USH2A: variants seen among roughly 807,000 people sequenced by gnomAD.
USH2A encodes usherin, also known as Usher syndrome 2A (autosomal recessive, mild).
In USH2A, 443 loss-of-function variants were observed where a neutral mutation model predicts 538.9. That is an observed-to-expected ratio of 0.82 (90% CI 0.76 to 0.89). USH2A has a LOEUF of 0.89. Among genes scored for constraint, USH2A ranks in the 40% least tolerant of loss-of-function variants. The pLI, the probability that USH2A is intolerant of heterozygous loss-of-function variation, is 0.00. For synonymous variants in USH2A, 2,413 were observed against 2,273.5 expected, an observed-to-expected ratio of 1.06 and a Z score of -1.75; for missense variants, 6,633 against 6,324.8, an observed-to-expected ratio of 1.05 and a Z score of -1.65.
intron 3 of USH2A, among the ~76,000 whole-genome samples, chr1:216,401,714 C>T (rs573958585): frequency 1.3e-5 from 2 of 152,108 alleles, no homozygotes; most frequent in East Asian, 3.9e-4. Flanking sequence ...AGGGACATTA[C>T]ATAATGATAA....
chr1:215,828,315 G>A (rs1663211930), intron 47 of USH2A, among the ~76,000 whole-genome samples: 1 of 152,110 alleles, frequency 6.6e-6, no homozygotes, highest in African/African-American at 2.4e-5. Flanking sequence ...TGTATTAGCT[G>A]GGTGTGGTGG....
At chr1:216,177,635 G>A (rs181576960) in intron 20 of USH2A, among the ~76,000 whole-genome samples, 2 of 152,188 alleles carry the variant, frequency 1.3e-5, no homozygotes, top group Admixed American at 6.5e-5. Context: ...GCATACACTG[G>A]GACCTTGCCA....
At position 216,318,059 on chromosome 1, in the gene USH2A, C is replaced by G. The variant is rs188233255; in HGVS notation, c.1644+3824G>C. Among the ~76,000 whole-genome samples the G allele has an allele frequency of 5.9e-3, 893 of 152,218 alleles. 3 individuals are homozygous for G. Among genetic ancestry groups the G allele is most frequent in the Non-Finnish European group, 9.0e-3 (611 of 68,000 alleles). ...ATATGTGAACCTGCCCCTGAATTCA[C>G]CATTCACCTTTTCTCAACTTCATTC... On this transcript the variant is annotated intron_variant, in intron 9 of 71. Coordinates refer to ENST00000307340, the MANE Select transcript of USH2A (RefSeq NM_206933.4).
intron 4 of USH2A, among the ~76,000 whole-genome samples, chr1:216,337,943 A>T (rs1465726524): frequency 6.6e-6 from 1 of 151,312 alleles, no homozygotes; most frequent in Non-Finnish European, 1.5e-5. Flanking sequence ...CTAGGAATAA[A>T]TTTTATATTT....
chr1:215,685,344 TG>T (rs1286357666), intron 61 of USH2A, among the ~76,000 whole-genome samples: 1,375 of 72,668 alleles, frequency 0.019, 16 homozygotes, highest in African/African-American at 0.045. Flanking sequence ...TTTTTTTTTT[TG>T]TTGTTGTTGT....
At chr1:216,193,730 C>G (rs976026728) in intron 19 of USH2A, among the ~76,000 whole-genome samples, 6 of 151,988 alleles carry the variant, frequency 3.9e-5, no homozygotes, top group Non-Finnish European at 7.4e-5. Flanking sequence ...TTGCCACAAG[C>G]CAAGGAACAC....
chr1:216,329,287 C>G (rs2037801103), intron 4 of USH2A, among the ~76,000 whole-genome samples: 1 of 152,000 alleles, frequency 6.6e-6, no homozygotes, highest in Non-Finnish European at 1.5e-5. Context: ...GTTAATTGGC[C>G]ATCCAGGCAA....
rs189485785 is a variant in USH2A at position 216,107,574 on chromosome 1, T to C, written c.4628-10361A>G. Among the ~76,000 whole-genome samples, 8 of 151,924 alleles carry C rather than the reference T, an allele frequency of 5.3e-5. No homozygotes were observed. In the South Asian group the frequency reaches 8.3e-4, roughly 16 times the overall value. Reference sequence around the variant, plus strand: ...TTATTTAGCCAGTTTAATAATCTATTCTTTTTGATTGTTGTGTTATGTGCA... The same window carrying C: ...TTATTTAGCCAGTTTAATAATCTATCCTTTTTGATTGTTGTGTTATGTGCA... On this transcript the variant is annotated intron_variant, in intron 21 of 71. Transcript: ENST00000307340.
rs754677752 is a variant in USH2A at position 215,888,628 on chromosome 1, G to T, written c.8021C>A (p.Thr2674Asn). The T allele has an allele frequency of 2.5e-6, 4 of 1,614,080 alleles. No homozygotes were observed. Among genetic ancestry groups the T allele is most frequent in the Admixed American group, 1.7e-5 (1 of 60,002 alleles). The change falls in exon 41 of 72, where the codon ACT becomes AAT. Residue 2674 changes from threonine to asparagine, a missense_variant. Thr to Asn is a moderately conservative substitution (Grantham distance 65). Coordinates refer to ENST00000307340, the MANE Select transcript of USH2A (RefSeq NM_206933.4). ...CCTCATGGAATGACTCCTCGGGAGAGTCACCAGGGTAGTAACTTCTTCCTT... is the reference window on the plus strand; with the variant it reads ...CCTCATGGAATGACTCCTCGGGAGATTCACCAGGGTAGTAACTTCTTCCTT... ...KGKEEVTTLV[T>N]LPRSHSMRFI... is the part of the protein sequence containing the mutation.
intron 58 of USH2A, among the ~76,000 whole-genome samples, chr1:215,752,707 C>T (rs1187614902): frequency 6.6e-6 from 1 of 152,208 alleles, no homozygotes; most frequent in South Asian, 2.1e-4. Context: ...GTTTTGATGC[C>T]CCCAGTAAAA....
intron 11 of USH2A, among the ~76,000 whole-genome samples, chr1:216,275,410 G>A (rs1259667649): frequency 2.6e-5 from 4 of 152,008 alleles, no homozygotes; most frequent in African/African-American, 9.7e-5. Flanking sequence ...TATTTTCCAT[G>A]TCTATAGTTA....
rs2039340786 is a variant in USH2A, at chr1:216,403,410, T to C, written c.651+15104A>G. ...CTGCTCTTACCTTTCTTATTCAACATACTACTAAAAATTCTAGTCACTGCA... is the reference window on the plus strand; with the variant it reads ...CTGCTCTTACCTTTCTTATTCAACACACTACTAAAAATTCTAGTCACTGCA... On this transcript the variant is annotated intron_variant, in intron 3 of 71. Transcript: ENST00000307340. Among the ~76,000 whole-genome samples, 3 of 152,198 alleles carry C rather than the reference T, an allele frequency of 2.0e-5. No homozygotes were observed. The South Asian group carries it at 6.2e-4, about 32-fold the overall frequency.
At chr1:216,353,819 G>C (rs2038331965) in intron 4 of USH2A, among the ~76,000 whole-genome samples, 1 of 152,092 alleles carries the variant, frequency 6.6e-6, no homozygotes, top group South Asian at 2.1e-4. Context: ...AAGCCCTAAA[G>C]TCATTATTTT....
chr1:216,287,690 T>C (rs2036914048), intron 11 of USH2A, among the ~76,000 whole-genome samples: 1 of 152,164 alleles, frequency 6.6e-6, no homozygotes, highest in South Asian at 2.1e-4. Flanking sequence ...GAGACAAATC[T>C]GATGCACTGT....
chr1:216,124,428 A>G (rs1450480468), intron 21 of USH2A, among the ~76,000 whole-genome samples: 2 of 152,144 alleles, frequency 1.3e-5, no homozygotes, highest in South Asian at 2.1e-4. Context: ...GGAAAAAAAA[A>G]GCTAATGAAT....
chr1:215,693,442 G>A (rs1362819087), intron 61 of USH2A, among the ~76,000 whole-genome samples: 1 of 152,044 alleles, frequency 6.6e-6, no homozygotes, highest in Admixed American at 6.6e-5. Context: ...TAAGTTAAAT[G>A]TCTTACCTAG....
chr1:216,317,500 C>T (rs2037531414), intron 9 of USH2A, among the ~76,000 whole-genome samples: 1 of 151,960 alleles, frequency 6.6e-6, no homozygotes, highest in South Asian at 2.1e-4. Context: ...CCATGGCACA[C>T]CTTTACCTAA....
At chr1:216,318,188 T>C (rs1446904466) in intron 9 of USH2A, among the ~76,000 whole-genome samples, 1 of 152,210 alleles carries the variant, frequency 6.6e-6, no homozygotes, top group Non-Finnish European at 1.5e-5. Context: ...ATGTCTGTAA[T>C]ATAATTCACA....
At position 215,799,066 on chromosome 1, in the gene USH2A, A is replaced by G. The variant is rs111033263; in HGVS notation, c.9799T>C (p.Cys3267Arg). 16 of 1,613,978 alleles carry G rather than the reference A, an allele frequency of 9.9e-6. No homozygotes were observed. Among genetic ancestry groups the G allele is most frequent in the Admixed American group, 5.0e-5 (3 of 59,968 alleles). ...NRVSVGIGDS[C>R]CGRMPYSTSG... ...GTGGAGTACGGCATTCTGCCACAGC[A>G]GGAATCACCAATGCCAACAGAAACC... The change falls in exon 50 of 72, where the codon TGC (cysteine) becomes CGC (arginine). Residue 3267 changes from cysteine to arginine, a missense_variant. By Grantham distance (180) the Cys-to-Arg change is radical (BLOSUM62 -3). Coordinates refer to ENST00000307340, the MANE Select transcript of USH2A (RefSeq NM_206933.4).
Sources: allele counts gnomAD v4.1 joint callset (sites outside exome capture counted in the v4.1 genomes callset), GRCh38; gene constraint gnomAD v4.1.1; transcripts MANE v1.5; gene names NCBI Gene and HGNC (gene_info 2026-07-23, HGNC 2026-07-21).